Variants in ABCA1 observed in about 807,000 individuals in gnomAD.
ABCA1 encodes the protein phospholipid-transporting ATPase ABCA1.
ABCA1 carries 133 observed loss-of-function variants against 262.5 expected under a neutral mutation model. The ratio of observed to expected loss-of-function variants is 0.51; its 90% CI spans 0.44 to 0.59. The LOEUF is 0.59. ABCA1 is among the 20% of genes least tolerant of loss of function. ABCA1 has a pLI of 0.00. For missense variants in ABCA1, 2,452 were observed against 2,777.5 expected, an observed-to-expected ratio of 0.88 and a Z score of 2.63; for synonymous variants, 1,022 against 1,043.5, an observed-to-expected ratio of 0.98 and a Z score of 0.40.
intron 3 of ABCA1, among the ~76,000 whole-genome samples, chr9:104,888,045 A>T (rs1839343414): frequency 2.8e-5 from 4 of 145,006 alleles, no homozygotes; most frequent in Admixed American, 6.7e-5. Context: ...GTCTCAGAAA[A>T]TGTTTCTTGA....
intron 7 of ABCA1, among the ~76,000 whole-genome samples, chr9:104,857,078 G>A (rs1835900099): frequency 6.6e-6 from 1 of 152,130 alleles, no homozygotes; most frequent in Non-Finnish European, 1.5e-5. Flanking sequence ...GCCGAGGTGG[G>A]CAGATCACTT....
At chr9:104,790,866 T>C in intron 44 of ABCA1, 56 bp downstream of exon 44, 1 of 1,220,456 alleles carries the variant, frequency 8.2e-7, no homozygotes, top group East Asian at 2.3e-5. Flanking sequence ...CCTATTTCTT[T>C]AAATAAATTA....
At chr9:104,913,108 T>G (rs1047121727) in intron 1 of ABCA1, among the ~76,000 whole-genome samples, 2 of 152,236 alleles carry the variant, frequency 1.3e-5, no homozygotes, top group African/African-American at 4.8e-5. Flanking sequence ...ATGTTCAACC[T>G]TCTCCCAACC....
intron 11 of ABCA1, among the ~76,000 whole-genome samples, 176 bp from the exon 12 acceptor site, chr9:104,832,947 A>AT (rs1373911501): frequency 1.3e-5 from 2 of 152,290 alleles, no homozygotes; most frequent in East Asian, 3.9e-4. Flanking sequence ...AGAAAAAAAA[A>AT]CATGATTTTA....
intron 31 of ABCA1, among the ~76,000 whole-genome samples, chr9:104,806,010 C>T (rs1271262947): frequency 1.3e-5 from 2 of 152,084 alleles, no homozygotes; most frequent in Non-Finnish European, 2.9e-5. Flanking sequence ...GAGGCTGAGG[C>T]AGGAGAATCG....
chr9:104,918,346 G>A (rs934729329), intron 1 of ABCA1, among the ~76,000 whole-genome samples: 1 of 152,144 alleles, frequency 6.6e-6, no homozygotes, highest in Non-Finnish European at 1.5e-5. Context: ...TCAGTCTGGT[G>A]AGAAAACCAG....
chr9:104,855,435 A>T, intron 7 of ABCA1: 1 of 297,326 alleles, frequency 3.4e-6, no homozygotes. Flanking sequence ...TCCTGGCCTC[A>T]AGTGATTCAT....
intron 10 of ABCA1, 88 bp from the exon 11 acceptor site, chr9:104,837,184 C>T (rs1430368984): frequency 2.5e-6 from 3 of 1,185,692 alleles, no homozygotes; most frequent in South Asian, 1.2e-5. Flanking sequence ...AAAGATACCC[C>T]ATCACAGCAG....
intron 33 of ABCA1, 108 bp downstream of exon 33, chr9:104,803,176 C>A: frequency 7.8e-7 from 1 of 1,282,056 alleles, no homozygotes; most frequent in South Asian, 1.2e-5. Flanking sequence ...TGAGATGGCA[C>A]CCACAAGTGT....
intron 31 of ABCA1, among the ~76,000 whole-genome samples, chr9:104,805,922 C>T (rs368197093): frequency 1.3e-4 from 20 of 152,204 alleles, no homozygotes; most frequent in East Asian, 9.7e-4. Flanking sequence ...CTAGCCAACA[C>T]GGCGAAACCC....
intron 7 of ABCA1, among the ~76,000 whole-genome samples, chr9:104,849,503 C>T (rs1163604072): frequency 6.6e-6 from 1 of 152,102 alleles, no homozygotes; most frequent in South Asian, 2.1e-4. Context: ...GTTCTTTATT[C>T]GAGATTAAGT....
At chr9:104,828,186 C>T (rs1009682917) in intron 15 of ABCA1, among the ~76,000 whole-genome samples, 3 of 152,178 alleles carry the variant, frequency 2.0e-5, no homozygotes, top group Non-Finnish European at 4.4e-5. Context: ...ATCAGCAACT[C>T]TGGGTTTGTC....
At chr9:104,875,133 GT>G (rs1838036794) in intron 5 of ABCA1, among the ~76,000 whole-genome samples, 1 of 151,576 alleles carries the variant, frequency 6.6e-6, no homozygotes, top group Admixed American at 6.6e-5. Context: ...ATTCCATTTT[GT>G]TCTGTACTAA....
Position 104,829,167 on chromosome 9 carries a change from G to T in ABCA1, c.1893-29C>A, listed in dbSNP as rs369541503. 1.1e-5 allele frequency: 17 copies of T among 1,612,322 alleles called. No homozygotes were observed. In the African/African-American group the frequency reaches 1.9e-4, roughly 18 times the overall value. On this transcript the variant is annotated intron_variant, in intron 14 of 49. Transcript: ENST00000374736. ...GAGGCCCCAAGGAAGGACAAGGGGA[G>T]AAAGAAAGACACACGTGAGCCAGGG... is the stretch of plus-strand genomic sequence containing the variant.
At chr9:104,810,032 A>G (rs1182168388) in intron 29 of ABCA1, among the ~76,000 whole-genome samples, 1 of 151,942 alleles carries the variant, frequency 6.6e-6, no homozygotes, top group Non-Finnish European at 1.5e-5. Flanking sequence ...GCTATGTTCC[A>G]CAACTACGGG....
At chr9:104,862,073 C>CACACAT (rs1836458060) in intron 5 of ABCA1, among the ~76,000 whole-genome samples, 1 of 140,142 alleles carries the variant, frequency 7.1e-6, no homozygotes, top group African/African-American at 2.6e-5. Flanking sequence ...CACACACACA[C>CACACAT]ACATACACAC....
chr9:104,822,721 G>A, intron 18 of ABCA1, 54 bp from the exon 19 acceptor site: 9 of 1,601,454 alleles, frequency 5.6e-6, no homozygotes, highest in African/African-American at 1.3e-5. Flanking sequence ...GAGGAGTGGA[G>A]TGTAAGGACA....
rs1249537206 is a variant in ABCA1, at chr9:104,819,593, G to A, written c.3234C>T (p.Tyr1078=). Residue 1078 remains tyrosine, a synonymous_variant, in exon 22 of 50, where the codon TAC becomes TAT. Coordinates refer to ENST00000374736, the MANE Select transcript of ABCA1 (RefSeq NM_005502.4). ...TAAATACACATCAGGCACCTTGTCG[G>A]TATTTCAGCAGCAGCTCCCATATTC... ...RRGIWELLLK[Y]RQGRTIILST... The A allele has an allele frequency of 1.9e-6, 3 of 1,614,164 alleles. No individual in the cohort carries two copies.
At chr9:104,870,250 T>G (rs1168082285) in intron 5 of ABCA1, among the ~76,000 whole-genome samples, 1 of 152,236 alleles carries the variant, frequency 6.6e-6, no homozygotes, top group Non-Finnish European at 1.5e-5. Flanking sequence ...CCCAAAATAC[T>G]AGTGTTGTGG....
Sources: gnomAD v4.1 joint callset for allele counts (sites outside exome capture counted in the v4.1 genomes callset) on GRCh38, gnomAD v4.1.1 for gene constraint, MANE v1.5 for transcripts, NCBI Gene and HGNC (gene_info 2026-07-23, HGNC 2026-07-21) for gene names.